Variants in IL1RAPL2 observed in about 807,000 individuals in gnomAD.
The protein encoded by IL1RAPL2 is X-linked interleukin-1 receptor accessory protein-like 2.
In IL1RAPL2, 3 loss-of-function variants were observed where a neutral mutation model predicts 44.1. The ratio of observed to expected loss-of-function variants is 0.07; its 90% confidence interval spans 0.03 to 0.18. The LOEUF (loss-of-function observed/expected upper bound fraction) is 0.18. IL1RAPL2 is among the 10% of genes least tolerant of loss of function. IL1RAPL2 has a pLI of 1.00. For synonymous variants in IL1RAPL2, 181 were observed against 178.8 expected (o/e 1.01, Z -0.10); for missense variants, 391 against 496.4 (o/e 0.79, Z 2.02).
intron 2 of IL1RAPL2, among the ~76,000 whole-genome samples, chrX:104,974,462 C>G (rs1401237593): frequency 8.9e-6 from 1 of 112,365 alleles, no homozygotes; most frequent in African/African-American, 3.2e-5. Flanking sequence ...CCTGTATATA[C>G]ACTTAAACAC....
At chrX:104,851,053 T>C (rs1259930888) in intron 2 of IL1RAPL2, among the ~76,000 whole-genome samples, 2 of 111,010 alleles carry the variant, frequency 1.8e-5, no homozygotes, top group Non-Finnish European at 3.8e-5. Flanking sequence ...GAAAATCTTA[T>C]CAGTACTGTC....
chrX:105,525,559 G>A (rs777699113), intron 6 of IL1RAPL2, among the ~76,000 whole-genome samples: 9 of 111,068 alleles, frequency 8.1e-5, no homozygotes, highest in Non-Finnish European at 1.7e-4. Flanking sequence ...ATACTTCAGC[G>A]TTTATGTCTA....
rs1012985933 is a variant in IL1RAPL2 at position 104,695,258 on chromosome X, A to G, written c.82+36263A>G. Among the ~76,000 whole-genome samples, 4 of 111,694 alleles carry G rather than the reference A, an allele frequency of 3.6e-5. No homozygotes were observed. The Admixed American group carries it at 3.8e-4, about 11-fold the overall frequency. ...GGGAAGAAAGTCTTCTATTCTTTTC[A>G]GTTAAATCAACTAGGATGCAAAGCA... On this transcript the variant is annotated intron_variant, in intron 2 of 10. Coordinates refer to ENST00000372582, the MANE Select transcript of IL1RAPL2 (RefSeq NM_017416.2).
At chrX:104,755,412 C>T (rs920478351) in intron 2 of IL1RAPL2, among the ~76,000 whole-genome samples, 4 of 109,710 alleles carry the variant, frequency 3.6e-5, no homozygotes, top group Non-Finnish European at 5.7e-5. Context: ...TCCCCAAACT[C>T]GTCAGGTACT....
At chrX:105,479,188 T>G (rs1213736513) in intron 5 of IL1RAPL2, among the ~76,000 whole-genome samples, 1 of 111,330 alleles carries the variant, frequency 9.0e-6, no homozygotes, top group African/African-American at 3.3e-5. Flanking sequence ...CAGACAGAAC[T>G]CAATTCAGGT....
chrX:104,899,923 C>A (rs1207865242), intron 2 of IL1RAPL2, among the ~76,000 whole-genome samples: 1 of 112,375 alleles, frequency 8.9e-6, no homozygotes, highest in African/African-American at 3.2e-5. Flanking sequence ...GTAATGACAC[C>A]TTGCTTCTCT....
chrX:105,144,412 C>G (rs1421774548), intron 2 of IL1RAPL2, among the ~76,000 whole-genome samples: 2 of 111,070 alleles, frequency 1.8e-5, no homozygotes, highest in South Asian at 3.8e-4. Context: ...TTTCTTTTCA[C>G]TCCGTTGAAT....
chrX:105,682,861 TA>T (rs2037937061), intron 6 of IL1RAPL2, among the ~76,000 whole-genome samples: 1 of 112,528 alleles, frequency 8.9e-6, no homozygotes, highest in Non-Finnish European at 1.9e-5. Flanking sequence ...AGCTTTATTT[TA>T]TTTTTTTATA....
At chrX:105,503,707 T>A (rs2036411885) in intron 6 of IL1RAPL2, among the ~76,000 whole-genome samples, 2 of 111,409 alleles carry the variant, frequency 1.8e-5, no homozygotes, top group African/African-American at 6.5e-5. Context: ...AAACTAGAAA[T>A]CTGAAATCAA....
In IL1RAPL2 at chrX:104,914,793, T is replaced by C. The variant is rs1232670677; in HGVS notation, c.82+255798T>C. Among the ~76,000 whole-genome samples the C allele has an allele frequency of 4.6e-5, 5 of 109,381 alleles. No individual in the cohort carries two copies. The East Asian group carries it at 1.2e-3, about 26-fold the overall frequency. 95.0% of individuals were successfully genotyped at this position (109,381 alleles called of 115,157 possible). ...ATGTGTTCTCATCGTTCAATTCCCA[T>C]CTATGAGTGAGAACATGCGGTGTTT... is the stretch of plus-strand genomic sequence containing the variant. On this transcript the variant is annotated intron_variant, in intron 2 of 10. Coordinates refer to ENST00000372582, the MANE Select transcript of IL1RAPL2 (RefSeq NM_017416.2).
chrX:105,666,873 G>A (rs1292628795), intron 6 of IL1RAPL2, among the ~76,000 whole-genome samples: 1 of 111,688 alleles, frequency 9.0e-6, no homozygotes, highest in East Asian at 2.8e-4. Flanking sequence ...TTGGTGATGT[G>A]AAACCTCCCT....
intron 2 of IL1RAPL2, among the ~76,000 whole-genome samples, chrX:105,100,474 A>C (rs769806039): frequency 9.1e-4 from 102 of 111,925 alleles, no homozygotes; most frequent in Middle Eastern, 4.6e-3. Flanking sequence ...CTAGAGTATC[A>C]GACAATGTGC....
chrX:105,085,827 T>G (rs191891626), intron 2 of IL1RAPL2, among the ~76,000 whole-genome samples: 141 of 112,130 alleles, frequency 1.3e-3, no homozygotes, highest in Non-Finnish European at 1.4e-3. Flanking sequence ...AAACACATAT[T>G]TTTTATGTTA....
intron 2 of IL1RAPL2, among the ~76,000 whole-genome samples, chrX:105,028,596 G>A (rs895960157): frequency 9.0e-6 from 1 of 111,388 alleles, no homozygotes; most frequent in Non-Finnish European, 1.9e-5. Context: ...GCACCATGAG[G>A]AGTCATGCAT....
chrX:105,042,983 AAAAC>A (rs1206336139), intron 2 of IL1RAPL2, among the ~76,000 whole-genome samples: 2 of 104,457 alleles, frequency 1.9e-5, no homozygotes, highest in Admixed American at 1.0e-4. Context: ...CAAGAACAAA[AAAAC>A]AAACACCGCA....
chrX:105,499,083 C>T (rs1035718364), intron 6 of IL1RAPL2, among the ~76,000 whole-genome samples: 10 of 111,277 alleles, frequency 9.0e-5, no homozygotes, highest in Admixed American at 4.8e-4. Context: ...ACAATCCCCC[C>T]GATACTGTCC....
At chrX:105,545,871 G>A (rs1375724623) in intron 6 of IL1RAPL2, among the ~76,000 whole-genome samples, 1 of 111,814 alleles carries the variant, frequency 8.9e-6, no homozygotes, top group Non-Finnish European at 1.9e-5. Flanking sequence ...ATGTTACCAT[G>A]TGTGCAGCCT....
Position 104,832,880 on chromosome X carries a change from G to C in IL1RAPL2, c.82+173885G>C, listed in dbSNP as rs1465977127. Among the ~76,000 whole-genome samples the C allele has an allele frequency of 2.7e-5, 3 of 111,146 alleles. No homozygotes were observed. In the South Asian group the frequency reaches 1.1e-3, roughly 42 times the overall value. On this transcript the variant is annotated intron_variant, in intron 2 of 10. Coordinates refer to ENST00000372582, the MANE Select transcript of IL1RAPL2 (RefSeq NM_017416.2). ...TGGGCTCAACATCAGTTGAAAAAAA[G>C]TTGATTTTGGCTCCCCTGACAGTTT...
chrX:105,757,298 C>T (rs2038647667), intron 10 of IL1RAPL2, among the ~76,000 whole-genome samples: 1 of 111,984 alleles, frequency 8.9e-6, no homozygotes. Flanking sequence ...AATAATCTCT[C>T]CAGCTGTAGA....
Sources: allele counts gnomAD v4.1 joint callset (sites outside exome capture counted in the v4.1 genomes callset), GRCh38; gene constraint gnomAD v4.1.1; transcripts MANE v1.5; gene names NCBI Gene and HGNC (gene_info 2026-07-23, HGNC 2026-07-21).